TAFA2: variants seen among roughly 807,000 people sequenced by gnomAD.
The protein encoded by TAFA2 is chemokine-like protein TAFA-2.
In TAFA2, 7 loss-of-function variants were observed where a neutral mutation model predicts 18.8. The ratio of observed to expected loss-of-function variants is 0.37; its 90% confidence interval spans 0.21 to 0.70. TAFA2 has a LOEUF of 0.70. TAFA2 is among the 30% of genes least tolerant of loss of function. The probability of loss-of-function intolerance (pLI) is 0.53; values close to 1 mark genes in which losing one functional copy is unlikely to be tolerated. For synonymous variants in TAFA2, 60 were observed against 54.2 expected (o/e 1.11, Z -0.47); for missense variants, 122 against 158.1 (o/e 0.77, Z 1.23).
intron 1 of TAFA2, among the ~76,000 whole-genome samples, chr12:62,030,844 A>C (rs1382368671): frequency 1.3e-5 from 2 of 152,146 alleles, no homozygotes; most frequent in Admixed American, 1.3e-4. Context: ...AATTCAAAGC[A>C]AATGGTAAAG....
At chr12:61,735,216 A>G (rs1003716363) in intron 4 of TAFA2, among the ~76,000 whole-genome samples, 15 of 152,010 alleles carry the variant, frequency 9.9e-5, no homozygotes, top group Admixed American at 7.9e-4. Flanking sequence ...TATTTGCTGC[A>G]AATTCTTTGG....
At position 61,805,360 on chromosome 12, in the gene TAFA2, C is replaced by G. The variant is rs893903114; in HGVS notation, c.107-50336G>C. Among the ~76,000 whole-genome samples the G allele has an allele frequency of 2.0e-5, 3 of 151,934 alleles. No individual in the cohort carries two copies. In the East Asian group the frequency reaches 5.8e-4, roughly 29 times the overall value. ...GTGAGATTCTGTACATTACCTCATT[C>G]GTGATCCAATTTTTTTAAATTCAAA... On this transcript the variant is annotated intron_variant, in intron 2 of 4. Transcript: ENST00000416284.
At chr12:62,005,590 C>T (rs887426171) in intron 1 of TAFA2, among the ~76,000 whole-genome samples, 5 of 152,118 alleles carry the variant, frequency 3.3e-5, no homozygotes, top group Non-Finnish European at 7.4e-5. Flanking sequence ...ATTGACTATA[C>T]ACCACACATA....
intron 2 of TAFA2, among the ~76,000 whole-genome samples, chr12:61,795,926 C>A (rs891752204): frequency 1.3e-5 from 2 of 151,916 alleles, no homozygotes; most frequent in South Asian, 4.2e-4. Context: ...AATTGACTTT[C>A]AACATACCTA....
At chr12:61,931,842 C>T (rs1323461874) in intron 1 of TAFA2, among the ~76,000 whole-genome samples, 1 of 152,138 alleles carries the variant, frequency 6.6e-6, no homozygotes, top group Admixed American at 6.5e-5. Context: ...ATTTTTGTAT[C>T]AGCTATGTGC....
At chr12:61,897,818 C>T (rs1002480436) in intron 1 of TAFA2, among the ~76,000 whole-genome samples, 2 of 152,162 alleles carry the variant, frequency 1.3e-5, no homozygotes, top group African/African-American at 4.8e-5. Flanking sequence ...CATGCCTTCC[C>T]AACAGTTTCC....
chr12:61,794,671 C>A (rs979038928), intron 2 of TAFA2, among the ~76,000 whole-genome samples: 5 of 151,878 alleles, frequency 3.3e-5, no homozygotes, highest in African/African-American at 4.8e-5. Flanking sequence ...TTATAAGCAG[C>A]CACTAAAAGT....
chr12:61,833,107 A>G (rs1281435536), intron 2 of TAFA2, among the ~76,000 whole-genome samples: 1 of 148,842 alleles, frequency 6.7e-6, no homozygotes, highest in Non-Finnish European at 1.5e-5. Flanking sequence ...ATGATTCTCC[A>G]GTTCTCCTCT....
intron 1 of TAFA2, among the ~76,000 whole-genome samples, chr12:62,205,608 T>A (rs2062688572): frequency 6.6e-6 from 1 of 152,176 alleles, no homozygotes; most frequent in Non-Finnish European, 1.5e-5. Context: ...AGTCTGGCCA[T>A]GATCTGCCAC....
intron 1 of TAFA2, among the ~76,000 whole-genome samples, chr12:62,121,443 T>A (rs536961228): frequency 2.6e-5 from 4 of 152,312 alleles, no homozygotes; most frequent in Admixed American, 6.5e-5. Flanking sequence ...AGTGACTAAA[T>A]CTATTAGTTA....
At chr12:62,108,503 G>C (rs185481117) in intron 1 of TAFA2, among the ~76,000 whole-genome samples, 25 of 152,318 alleles carry the variant, frequency 1.6e-4, no homozygotes, top group Admixed American at 5.9e-4. Flanking sequence ...TACATACCCA[G>C]TAAGGGGATT....
intron 1 of TAFA2, among the ~76,000 whole-genome samples, chr12:62,049,410 A>G (rs964248771): frequency 2.0e-5 from 3 of 152,190 alleles, no homozygotes; most frequent in African/African-American, 7.2e-5. Context: ...GGAATTACTC[A>G]GGCAAGAAGT....
At chr12:61,860,141 T>C (rs1565659375) in intron 2 of TAFA2, among the ~76,000 whole-genome samples, 1 of 152,214 alleles carries the variant, frequency 6.6e-6, no homozygotes, top group Non-Finnish European at 1.5e-5. Context: ...AACATGTTTA[T>C]GAATTAAACC....
chr12:61,778,390 G>A (rs1870361750), intron 2 of TAFA2, among the ~76,000 whole-genome samples: 1 of 151,694 alleles, frequency 6.6e-6, no homozygotes, highest in Non-Finnish European at 1.5e-5. Flanking sequence ...GGGACTCAGT[G>A]AGAGTTCTAG....
intron 1 of TAFA2, among the ~76,000 whole-genome samples, chr12:62,047,973 AT>A (rs1881953346): frequency 6.6e-6 from 1 of 152,212 alleles, no homozygotes; most frequent in Non-Finnish European, 1.5e-5. Context: ...AAAGGAAAAA[AT>A]GTGTTACGAT....
chr12:62,249,059 T>C (rs972027331), intron 1 of TAFA2, among the ~76,000 whole-genome samples: 15 of 151,992 alleles, frequency 9.9e-5, no homozygotes, highest in African/African-American at 3.6e-4. Flanking sequence ...GGTAATTGTT[T>C]AAAAATTTTT....
At chr12:61,726,555 C>T (rs1161802479) in intron 4 of TAFA2, among the ~76,000 whole-genome samples, 1 of 151,914 alleles carries the variant, frequency 6.6e-6, no homozygotes, top group Non-Finnish European at 1.5e-5. Context: ...TGGTGTATAG[C>T]AGTGCTACTG....
chr12:61,754,799 G>T, intron 3 of TAFA2, 73 bp downstream of exon 3: 1 of 1,481,378 alleles, frequency 6.8e-7, no homozygotes, highest in Non-Finnish European at 9.3e-7. Context: ...CCCATTGAGA[G>T]CATTATAGTG....
intron 2 of TAFA2, among the ~76,000 whole-genome samples, chr12:61,812,726 C>T (rs569942684): frequency 6.0e-5 from 9 of 150,940 alleles, no homozygotes; most frequent in East Asian, 3.9e-4. Flanking sequence ...CCCCCTGCCA[C>T]GCCCGGATAA....
Sources: allele counts gnomAD v4.1 joint callset (sites outside exome capture counted in the v4.1 genomes callset), GRCh38; gene constraint gnomAD v4.1.1; transcripts MANE v1.5; gene names NCBI Gene and HGNC (gene_info 2026-07-23, HGNC 2026-07-21).